MAPKAPK2: variants seen among roughly 807,000 people sequenced by gnomAD.
MAPKAPK2 encodes the protein MAPK activated protein kinase 2, also known as MAP kinase-activated protein kinase 2.
A neutral mutation model predicts 48.8 loss-of-function variants in MAPKAPK2; 9 were observed. The observed-to-expected ratio is 0.18, with a 90% CI of 0.11 to 0.32. The LOEUF is 0.32. Among genes scored for constraint, MAPKAPK2 ranks in the 10% least tolerant of loss-of-function variants. MAPKAPK2 has a pLI of 1.00. For synonymous variants in MAPKAPK2, 202 were observed against 190.6 expected, an observed-to-expected ratio of 1.06 and a Z score of -0.49; for missense variants, 331 against 498.3, an observed-to-expected ratio of 0.66 and a Z score of 3.20.
At chr1:206,728,928 A>C (rs556258970) in intron 2 of MAPKAPK2, 79 bp downstream of exon 2, 1 of 1,612,538 alleles carries the variant, frequency 6.2e-7, no homozygotes, top group Non-Finnish European at 8.5e-7. Flanking sequence ...AGGACAGCCC[A>C]GGGATGGGCC....
chr1:206,703,512 T>C (rs970333005), intron 1 of MAPKAPK2, among the ~76,000 whole-genome samples: 4 of 152,186 alleles, frequency 2.6e-5, no homozygotes, highest in African/African-American at 9.7e-5. Context: ...GAAAGGGCTG[T>C]CTGTGTTCTC....
At chr1:206,694,852 C>T (rs1051338871) in intron 1 of MAPKAPK2, among the ~76,000 whole-genome samples, 1 of 152,220 alleles carries the variant, frequency 6.6e-6, no homozygotes, top group Non-Finnish European at 1.5e-5. Flanking sequence ...CTTACAGGCA[C>T]CCAGATCTCT....
chr1:206,690,379 A>T (rs568359833), intron 1 of MAPKAPK2, among the ~76,000 whole-genome samples: 1 of 152,166 alleles, frequency 6.6e-6, no homozygotes, highest in African/African-American at 2.4e-5. Flanking sequence ...CTGGGCTTTG[A>T]CTGAGCTTGG....
At chr1:206,715,053 G>C (rs1553430134) in intron 1 of MAPKAPK2, among the ~76,000 whole-genome samples, 1 of 152,092 alleles carries the variant, frequency 6.6e-6, no homozygotes, top group East Asian at 1.9e-4. Flanking sequence ...CTGCATCCTG[G>C]GATGTAATTC....
chr1:206,695,749 G>T, intron 1 of MAPKAPK2: 1 of 279,110 alleles, frequency 3.6e-6, no homozygotes, highest in Non-Finnish European at 6.9e-6. Context: ...TTCTCCATGT[G>T]CAAGGCATCT....
At chr1:206,688,176 C>T (rs1268736545) in intron 1 of MAPKAPK2, among the ~76,000 whole-genome samples, 1 of 152,224 alleles carries the variant, frequency 6.6e-6, no homozygotes, top group African/African-American at 2.4e-5. Context: ...TGCTTCCAGT[C>T]AGAGTTGCAA....
At chr1:206,689,030 C>T (rs1332456480) in intron 1 of MAPKAPK2, among the ~76,000 whole-genome samples, 1 of 152,204 alleles carries the variant, frequency 6.6e-6, no homozygotes, top group African/African-American at 2.4e-5. Context: ...TGCCGCTTCA[C>T]TGTGTCATGG....
chr1:206,732,327 G>T lies in MAPKAPK2; in HGVS notation c.1060-248G>T. The T allele has an allele frequency of 6.9e-7, 1 of 1,443,960 alleles. No individual in the cohort carries two copies. Among genetic ancestry groups the T allele is most frequent in the Non-Finnish European group, 9.1e-7 (1 of 1,102,900 alleles). The allele number at this position is 1,443,960 out of a possible 1,614,324, so 89.4% of individuals were successfully genotyped here. A position where few individuals can be genotyped will look rare whatever the true frequency, so the allele number is the denominator to read the frequency against. ...GGCCCAAGTCTCTTCCTCCTATCCT[G>T]CGGGATCACTGGGGGGCTCTCAGGG... On this transcript the variant is annotated intron_variant, in intron 9 of 9. Coordinates refer to ENST00000367103, the MANE Select transcript of MAPKAPK2 (RefSeq NM_032960.4). The surrounding 1 kb of genome is among the most constrained non-coding windows in gnomAD (Gnocchi z 4.4).
At chr1:206,714,287 G>A (rs1317840931) in intron 1 of MAPKAPK2, among the ~76,000 whole-genome samples, 3 of 152,152 alleles carry the variant, frequency 2.0e-5, no homozygotes, top group East Asian at 1.9e-4. Flanking sequence ...GACCCCTTGC[G>A]TCTGGCATTC....
intron 1 of MAPKAPK2, among the ~76,000 whole-genome samples, chr1:206,717,093 G>T (rs376511986): frequency 6.6e-6 from 1 of 152,164 alleles, no homozygotes; most frequent in African/African-American, 2.4e-5. Flanking sequence ...GAGGCCAGCG[G>T]TAAACTAATA....
At chr1:206,714,566 T>C (rs549188719) in intron 1 of MAPKAPK2, among the ~76,000 whole-genome samples, 10 of 151,276 alleles carry the variant, frequency 6.6e-5, no homozygotes, top group African/African-American at 2.4e-4. Context: ...AGTTCGAAAC[T>C]AAGCCTGGCC....
At chr1:206,692,538 G>C (rs1672493244) in intron 1 of MAPKAPK2, among the ~76,000 whole-genome samples, 1 of 152,222 alleles carries the variant, frequency 6.6e-6, no homozygotes, top group East Asian at 1.9e-4. Context: ...GTGGGAGGAG[G>C]AAGAAAGCCA....
chr1:206,707,245 C>T (rs1553428716), intron 1 of MAPKAPK2, among the ~76,000 whole-genome samples: 1 of 152,066 alleles, frequency 6.6e-6, no homozygotes, highest in Non-Finnish European at 1.5e-5. Context: ...CACCCCCAGG[C>T]ACTCCAGAGA....
At chr1:206,695,630 C>G (rs191991154) in intron 1 of MAPKAPK2, among the ~76,000 whole-genome samples, 1 of 152,200 alleles carries the variant, frequency 6.6e-6, no homozygotes, top group African/African-American at 2.4e-5. Flanking sequence ...TTCCACCCTG[C>G]ACAGATGCTG....
At chr1:206,715,615 C>T (rs1281760178) in intron 1 of MAPKAPK2, among the ~76,000 whole-genome samples, 7 of 146,516 alleles carry the variant, frequency 4.8e-5, no homozygotes, top group Admixed American at 6.9e-5. Flanking sequence ...TTTTTTTTTT[C>T]TTTTTCTTTC....
At chr1:206,697,896 C>G (rs183657273) in intron 1 of MAPKAPK2, among the ~76,000 whole-genome samples, 14 of 152,368 alleles carry the variant, frequency 9.2e-5, no homozygotes, top group African/African-American at 3.1e-4. Flanking sequence ...CAAGCAAGTC[C>G]TAGGACCTGT....
At chr1:206,720,722 T>C (rs1673488135) in intron 1 of MAPKAPK2, among the ~76,000 whole-genome samples, 1 of 152,232 alleles carries the variant, frequency 6.6e-6, no homozygotes, top group African/African-American at 2.4e-5. Flanking sequence ...GAGTTTATGC[T>C]GTACATAAGG....
chr1:206,706,288 C>T (rs189130216), intron 1 of MAPKAPK2, among the ~76,000 whole-genome samples: 4,315 of 152,212 alleles, frequency 0.028, 96 homozygotes, highest in South Asian at 0.044. Flanking sequence ...CCTGCCTTTC[C>T]CTGGCCACAG....
chr1:206,689,119 AG>A (rs1214982073), intron 1 of MAPKAPK2, among the ~76,000 whole-genome samples: 1 of 152,208 alleles, frequency 6.6e-6, no homozygotes, highest in Admixed American at 6.5e-5. Context: ...GATTAGGTGA[AG>A]CATGTTACTG....
Sources: allele counts gnomAD v4.1 joint callset (sites outside exome capture counted in the v4.1 genomes callset), GRCh38; gene constraint gnomAD v4.1.1; non-coding constraint Gnocchi (gnomAD v3.1); transcripts MANE v1.5; gene names NCBI Gene and HGNC (gene_info 2026-07-23, HGNC 2026-07-21).